Variants in C7 observed in about 807,000 individuals in gnomAD.
The protein encoded by C7 is complement C7.
A neutral mutation model predicts 104.8 loss-of-function variants in C7; 83 were observed. That is an observed-to-expected ratio of 0.79 (90% CI 0.66 to 0.95). The LOEUF is 0.95. Among genes scored for constraint, C7 ranks in the 40% least tolerant of loss-of-function variants. C7 has a pLI of 0.00. For missense variants in C7, 1,070 were observed against 1,011.2 expected (o/e 1.06, Z -0.79); for synonymous variants, 415 against 360.6 (o/e 1.15, Z -1.71).
intron 14 of C7, among the ~76,000 whole-genome samples, chr5:40,971,236 C>T (rs1740692256): frequency 6.6e-6 from 1 of 152,214 alleles, no homozygotes; most frequent in Non-Finnish European, 1.5e-5. Flanking sequence ...TCCACATCCC[C>T]ACCAGCATCT....
intron 6 of C7, among the ~76,000 whole-genome samples, chr5:40,944,931 A>T (rs1289605872): frequency 6.6e-6 from 1 of 152,242 alleles, no homozygotes; most frequent in Non-Finnish European, 1.5e-5. Flanking sequence ...CTGACATTAA[A>T]GGAACATGGA....
At chr5:40,911,341 G>A (rs1016788867) in intron 1 of C7, among the ~76,000 whole-genome samples, 1 of 152,172 alleles carries the variant, frequency 6.6e-6, no homozygotes, top group Non-Finnish European at 1.5e-5. Flanking sequence ...CAGCCCCCAC[G>A]TGAACTAAAT....
intron 13 of C7, among the ~76,000 whole-genome samples, chr5:40,962,445 G>A (rs324059): frequency 0.78 from 118,516 of 152,090 alleles, 46,245 homozygotes; most frequent in South Asian, 0.93. Flanking sequence ...GAGGGCTACT[G>A]AACACTGCCA....
In C7 at chr5:40,982,743, TTTTA is replaced by T. The variant is rs907981494; in HGVS notation, c.*1177_*1180del. 14 of 152,340 alleles carry T rather than the reference TTTTA, an allele frequency of 9.2e-5. No homozygotes were observed. Among genetic ancestry groups the T allele is most frequent in the African/African-American group, 3.4e-4 (14 of 41,450 alleles). The allele number at this position is 152,340 out of a possible 1,614,324, so 9.4% of individuals were successfully genotyped here. A position where few individuals can be genotyped will look rare whatever the true frequency, so the allele number is the denominator to read the frequency against. On this transcript the variant is annotated 3_prime_UTR_variant, in exon 18 of 18. Transcript: ENST00000313164. ...GGTAGATTAGTTTGAAGCATTGACC[TTTTA>T]TTTATTCCTTATTTCTCTTTCATCA...
intron 17 of C7, 35 bp from the exon 18 acceptor site, chr5:40,981,357 A>G (rs368395254): frequency 3.5e-4 from 551 of 1,586,614 alleles, no homozygotes; most frequent in Middle Eastern, 5.0e-4. Context: ...GACCTCCACA[A>G]TGTACCATTA....
At position 40,931,142 on chromosome 5, in the gene C7, A is replaced by G. The variant is rs1363955530; in HGVS notation, c.138+3A>G. ...GCAATGGCTGTACCAAGACTCAGGT[A>G]GGACCATGCAAAACTTTGTATTTGA... On this transcript the variant is annotated splice_donor_region_variant and intron_variant, in intron 3 of 17. Coordinates refer to ENST00000313164, the MANE Select transcript of C7 (RefSeq NM_000587.4). 6.2e-7 allele frequency: 1 copy of G among 1,609,392 alleles called. No individual in the cohort carries two copies. The highest frequency in any genetic ancestry group is 8.5e-7 in the Non-Finnish European group (1 of 1,175,942).
intron 14 of C7, 145 bp downstream of exon 14, chr5:40,965,018 C>A (rs554006694): frequency 1.1e-6 from 1 of 891,272 alleles, no homozygotes; most frequent in Non-Finnish European, 1.8e-6. Context: ...GTTTTAGGAG[C>A]GACTTGAATA....
intron 14 of C7, chr5:40,972,039 T>C (rs1295169689): frequency 2.2e-6 from 1 of 464,602 alleles, no homozygotes; most frequent in South Asian, 1.6e-5. Flanking sequence ...TGAAAGTTAA[T>C]GAAACTCTCC....
At chr5:40,973,494 T>A (rs1042598422) in intron 15 of C7, among the ~76,000 whole-genome samples, 2 of 152,184 alleles carry the variant, frequency 1.3e-5, no homozygotes, top group African/African-American at 4.8e-5. Flanking sequence ...AAGTTCTCCA[T>A]GCGACAGGGT....
intron 3 of C7, among the ~76,000 whole-genome samples, chr5:40,932,078 AC>A (rs1404606744): frequency 6.6e-6 from 1 of 152,126 alleles, no homozygotes; most frequent in African/African-American, 2.4e-5. Flanking sequence ...TTTAGAAGAA[AC>A]AAATTATATA....
In C7 at chr5:40,934,405, T is replaced by C; in HGVS notation, c.219T>C (p.Cys73=). The change falls in exon 4 of 18, where the codon TGT becomes TGC. Residue 73 remains cysteine (C), a synonymous_variant. Transcript: ENST00000313164. ...GAAATGCTTTTGAAACACAGTCCTG[T>C]GAACCTACAAGAGGATGTCCAACAG... The part of the protein sequence containing the change: ...CVGNAFETQS[C]EPTRGCPTEE... 1.2e-6 allele frequency: 2 copies of C among 1,613,760 alleles called. No individual in the cohort carries two copies.
At chr5:40,972,198 T>A (rs1471233071) in intron 14 of C7, 5 of 595,614 alleles carry the variant, frequency 8.4e-6, no homozygotes, top group South Asian at 4.0e-5. Context: ...GGGAGCTGTT[T>A]TGGTTTTTAG....
In C7 at chr5:40,981,791, G is replaced by A; in HGVS notation, c.*218G>A. On this transcript the variant is annotated 3_prime_UTR_variant, in exon 18 of 18. Transcript: ENST00000313164. ...CTTTTTAATGTCAGTAAGGATATGAGCCTTTGCACAGGCTGGCTGCGTGTT... is the reference window on the plus strand; with the variant it reads ...CTTTTTAATGTCAGTAAGGATATGAACCTTTGCACAGGCTGGCTGCGTGTT... The A allele has an allele frequency of 2.3e-6, 1 of 437,724 alleles. No homozygotes were observed. The highest frequency in any genetic ancestry group is 4.0e-6 in the Non-Finnish European group (1 of 248,672). 27.1% of individuals were successfully genotyped at this position (437,724 alleles called of 1,614,324 possible). A position where few individuals can be genotyped will look rare whatever the true frequency, so the allele number is the denominator to read the frequency against.
chr5:40,949,335 A>C (rs1740115811), intron 8 of C7, among the ~76,000 whole-genome samples: 1 of 150,370 alleles, frequency 6.7e-6, no homozygotes. Flanking sequence ...GTATTTTTCT[A>C]TCCTACTTTC....
chr5:40,972,132 A>T (rs1439710124), intron 14 of C7: 2 of 513,266 alleles, frequency 3.9e-6, no homozygotes, highest in Non-Finnish European at 3.6e-6. Context: ...TTAGGACTCT[A>T]TTGGGGTTGT....
At chr5:40,943,716 G>C (rs1380737629) in intron 6 of C7, among the ~76,000 whole-genome samples, 9 of 145,070 alleles carry the variant, frequency 6.2e-5, no homozygotes, top group Admixed American at 2.0e-4. Flanking sequence ...TATACACACA[G>C]ACATATATAT....
At chr5:40,952,689 C>T (rs1045080850) in intron 9 of C7, among the ~76,000 whole-genome samples, 1 of 151,958 alleles carries the variant, frequency 6.6e-6, no homozygotes, top group East Asian at 1.9e-4. Context: ...GTTCCCCTTC[C>T]TGTGTCCAAG....
chr5:40,969,312 A>C (rs1579872933), intron 14 of C7, among the ~76,000 whole-genome samples: 1 of 152,130 alleles, frequency 6.6e-6, no homozygotes, highest in East Asian at 1.9e-4. Flanking sequence ...CCATCTTGTC[A>C]TTTAAAAAAA....
chr5:40,914,676 G>A (rs1739282733), intron 1 of C7, among the ~76,000 whole-genome samples: 1 of 152,130 alleles, frequency 6.6e-6, no homozygotes, highest in Admixed American at 6.6e-5. Context: ...ACATTTTAAA[G>A]TGAGATGCTA....
Sources: allele counts gnomAD v4.1 joint callset (sites outside exome capture counted in the v4.1 genomes callset), GRCh38; gene constraint gnomAD v4.1.1; transcripts MANE v1.5; gene names NCBI Gene and HGNC (gene_info 2026-07-23, HGNC 2026-07-21).